The following CELA1 variants were observed in gnomAD, a reference collection of about 807,000 sequenced individuals.
CELA1 encodes the protein chymotrypsin like elastase 1.
A neutral mutation model predicts 34.8 loss-of-function variants in CELA1; 28 were observed. The ratio of observed to expected loss-of-function variants is 0.80; its 90% CI spans 0.60 to 1.10. The LOEUF (loss-of-function observed/expected upper bound fraction) is 1.10. Ranked by LOEUF, CELA1 falls within the 50% of genes least tolerant of loss-of-function variation. The pLI is 0.00. For synonymous variants in CELA1, 140 were observed against 129.8 expected, an observed-to-expected ratio of 1.08 and a Z score of -0.53; for missense variants, 288 against 327.5, an observed-to-expected ratio of 0.88 and a Z score of 0.93.
At position 51,329,845 on chromosome 12, in the gene CELA1, A is replaced by G. The variant is rs751300735; in HGVS notation, c.610-12T>C. The G allele has an allele frequency of 6.3e-7, 1 of 1,591,534 alleles. No homozygotes were observed. Among genetic ancestry groups the G allele is most frequent in the Non-Finnish European group, 8.5e-7 (1 of 1,170,720 alleles). On this transcript the variant is annotated splice_polypyrimidine_tract_variant and intron_variant, in intron 6 of 7. Transcript: ENST00000293636. ...CCCCCAGAGTCACCCTGCAGGGAGG[A>G]GAAACAGAATCCTAAAACTCCAGAT...
intron 2 of CELA1, 94 bp downstream of exon 2, chr12:51,345,701 G>T: frequency 1.1e-6 from 1 of 906,502 alleles, no homozygotes; most frequent in Non-Finnish European, 1.8e-6. Flanking sequence ...AGAGCTGCTT[G>T]TTGATAGGGA....
chr12:51,337,923 A>AATATATATATATATATATATATATAT (rs151299974), intron 6 of CELA1, among the ~76,000 whole-genome samples: 1 of 148,610 alleles, frequency 6.7e-6, no homozygotes, highest in African/African-American at 2.5e-5. Flanking sequence ...AAAAAAAACA[A>AATATATATATATATATATATATATAT]ATATATATAT....
chr12:51,329,858 TA>T, intron 6 of CELA1, 25 bp from the exon 7 acceptor site: 1 of 1,577,554 alleles, frequency 6.3e-7, no homozygotes, highest in Non-Finnish European at 8.6e-7. Flanking sequence ...AACAGAATCC[TA>T]AAACTCCAGA....
At position 51,346,675 on chromosome 12, in the gene CELA1, A is replaced by G. The variant is rs1946567841; in HGVS notation, c.-37T>C. On this transcript the variant is annotated 5_prime_UTR_variant, in exon 1 of 8. Transcript: ENST00000293636. The stretch of plus-strand genomic sequence containing the variant: ...AGTAGACCACTGCCTTCTTGCTTGG[A>G]CCAAGCCCTCTTTATACTCCTCTTA... 6.2e-7 allele frequency: 1 copy of G among 1,600,152 alleles called. No individual in the cohort carries two copies. The highest frequency in any genetic ancestry group is 1.3e-5 in the African/African-American group (1 of 74,772).
chr12:51,343,768 G>A lies in CELA1; in HGVS notation c.185C>T (p.Ala62Val), dbSNP rs1946551152. The change falls in exon 3 of 8, where the codon GCT (alanine) becomes GTT (valine). Residue 62 changes from alanine (A) to valine (V), a missense_variant. Coordinates refer to ENST00000293636, the MANE Select transcript of CELA1 (RefSeq NM_001971.6). ...LIRQNWVMTAAHCVDYQKTFR... is the reference protein window; with the variant it reads ...LIRQNWVMTAVHCVDYQKTFR... The stretch of plus-strand genomic sequence containing the variant: ...TTTTTCTTACTAATCCACGCAGTGA[G>A]CAGCTGTCATCACCCAGTTCTGTCT... The A allele has an allele frequency of 6.2e-7, 1 of 1,600,926 alleles. No homozygotes were observed. The highest frequency in any genetic ancestry group is 1.7e-5 in the Admixed American group (1 of 59,936).
intron 5 of CELA1, among the ~76,000 whole-genome samples, chr12:51,340,806 G>C (rs975254728): frequency 1.3e-5 from 2 of 152,086 alleles, no homozygotes; most frequent in African/African-American, 4.8e-5. Context: ...AGGAGTTCGA[G>C]GCCAGCCTAG....
chr12:51,342,807 A>T, intron 3 of CELA1, 107 bp from the exon 4 acceptor site: 1 of 1,276,894 alleles, frequency 7.8e-7, no homozygotes. Flanking sequence ...ATTATTATTT[A>T]GGAAATTTTT....
intron 2 of CELA1, 31 bp from the exon 3 acceptor site, chr12:51,343,884 G>A (rs1946552175): frequency 2.4e-6 from 3 of 1,261,992 alleles, no homozygotes; most frequent in Admixed American, 1.8e-5. Context: ...GAAGGGATAG[G>A]TTGGTGTTTC....
intron 6 of CELA1, among the ~76,000 whole-genome samples, chr12:51,335,377 C>A (rs929179144): frequency 6.6e-6 from 1 of 151,996 alleles, no homozygotes; most frequent in African/African-American, 2.4e-5. Context: ...CTGCCTCAGC[C>A]TCCTGAGTAG....
intron 3 of CELA1, among the ~76,000 whole-genome samples, chr12:51,343,237 C>CCGCA (rs1256647334): frequency 6.6e-6 from 1 of 152,070 alleles, no homozygotes; most frequent in Non-Finnish European, 1.5e-5. Context: ...GGTTCCTGGG[C>CCGCA]CGCAGCATGA....
chr12:51,342,710 G>C lies in CELA1; in HGVS notation c.201-10C>G, dbSNP rs781126089. ...GCGGAAAGTCTTCTGGCTGGCGTGA[G>C]AGAAGGAATCCCTGAGTCATCCAGG... is the stretch of plus-strand genomic sequence containing the variant. On this transcript the variant is annotated splice_polypyrimidine_tract_variant and intron_variant, in intron 3 of 7. Transcript: ENST00000293636. 3.9e-5 allele frequency: 63 copies of C among 1,613,876 alleles called. 1 individual carries two copies. Among genetic ancestry groups the C allele is most frequent in the Admixed American group, 2.2e-4 (13 of 59,998 alleles).
chr12:51,332,003 C>T (rs770665359), intron 6 of CELA1, among the ~76,000 whole-genome samples: 1 of 151,724 alleles, frequency 6.6e-6, no homozygotes, highest in Non-Finnish European at 1.5e-5. Flanking sequence ...GGGTACAAAC[C>T]GAGACCCCCA....
chr12:51,335,699 C>T (rs948531183), intron 6 of CELA1, among the ~76,000 whole-genome samples: 3 of 149,736 alleles, frequency 2.0e-5, no homozygotes, highest in African/African-American at 4.9e-5. Flanking sequence ...TGCCGTGGTG[C>T]GATCATAGCT....
intron 6 of CELA1, among the ~76,000 whole-genome samples, chr12:51,333,865 A>G (rs990812593): frequency 7.2e-5 from 11 of 152,216 alleles, no homozygotes; most frequent in Non-Finnish European, 1.5e-4. Flanking sequence ...AATGAATTGT[A>G]TATAATACTA....
In CELA1 at chr12:51,346,605, T is replaced by C. The variant is rs768530851; in HGVS notation, c.16+18A>G. Reference sequence around the variant, plus strand: ...TACCATAAAGGACCAGGGTTGCGACTGGACCATATCCACTTACCATAAAGG... The same window carrying C: ...TACCATAAAGGACCAGGGTTGCGACCGGACCATATCCACTTACCATAAAGG... On this transcript the variant is annotated intron_variant, in intron 1 of 7. Transcript: ENST00000293636. 4 of 574,288 alleles carry C rather than the reference T, an allele frequency of 7.0e-6. No homozygotes were observed. Among genetic ancestry groups the C allele is most frequent in the South Asian group, 4.6e-5 (2 of 43,210 alleles). The allele number at this position is 574,288 out of a possible 1,614,324, so 35.6% of individuals were successfully genotyped here.
chr12:51,339,682 T>C (rs1203784955), intron 6 of CELA1, among the ~76,000 whole-genome samples, 178 bp downstream of exon 6: 1 of 152,216 alleles, frequency 6.6e-6, no homozygotes, highest in Admixed American at 6.5e-5. Context: ...CCTTTCAACT[T>C]TGAGTTTCTG....
chr12:51,341,631 G>A (rs1388791253), intron 4 of CELA1, among the ~76,000 whole-genome samples: 1 of 152,076 alleles, frequency 6.6e-6, no homozygotes, highest in Non-Finnish European at 1.5e-5. Context: ...TTGCAACCCC[G>A]GGAAGTAGAG....
intron 6 of CELA1, among the ~76,000 whole-genome samples, chr12:51,330,206 C>A (rs933738281): frequency 2.6e-5 from 4 of 152,082 alleles, no homozygotes; most frequent in Non-Finnish European, 5.9e-5. Flanking sequence ...TTAAATTGAA[C>A]CTGGGGTGGC....
chr12:51,329,253 CA>C (rs71089791), intron 7 of CELA1, among the ~76,000 whole-genome samples: 1,069 of 102,120 alleles, frequency 0.01, 10 homozygotes, highest in African/African-American at 0.034. Flanking sequence ...GACTCTGTCT[CA>C]AAAAAAAAAA....
Sources: allele counts gnomAD v4.1 joint callset (sites outside exome capture counted in the v4.1 genomes callset), GRCh38; gene constraint gnomAD v4.1.1; transcripts MANE v1.5; gene names NCBI Gene and HGNC (gene_info 2026-07-23, HGNC 2026-07-21).